ATCAY: variants seen among roughly 807,000 people sequenced by gnomAD.
ATCAY encodes caytaxin.
ATCAY carries 22 observed loss-of-function variants against 47.7 expected under a neutral mutation model. The ratio of observed to expected loss-of-function variants is 0.46; its 90% CI spans 0.33 to 0.66. The LOEUF (loss-of-function observed/expected upper bound fraction) is 0.66. ATCAY is among the 30% of genes least tolerant of loss of function. The pLI is 0.02. For missense variants in ATCAY, 452 were observed against 515.0 expected (o/e 0.88, Z 1.18); for synonymous variants, 216 against 207.6 (o/e 1.04, Z -0.35).
At chr19:3,903,905 G>C (rs1389966608) in intron 3 of ATCAY, among the ~76,000 whole-genome samples, 1 of 150,520 alleles carries the variant, frequency 6.6e-6, no homozygotes. Context: ...TTGGGAGGCC[G>C]AGGCGGGCAG....
chr19:3,912,613 C>T (rs2038933178), intron 8 of ATCAY, among the ~76,000 whole-genome samples: 1 of 151,986 alleles, frequency 6.6e-6, no homozygotes, highest in Non-Finnish European at 1.5e-5. Context: ...GGTGTGGTGA[C>T]CCAGGCTTGT....
At chr19:3,894,760 G>T (rs1003203440) in intron 2 of ATCAY, among the ~76,000 whole-genome samples, 1 of 151,474 alleles carries the variant, frequency 6.6e-6, no homozygotes, top group African/African-American at 2.4e-5. Flanking sequence ...ACCAGCCTAG[G>T]CACCACAGTA....
At chr19:3,897,384 T>C (rs2038779289) in intron 2 of ATCAY, among the ~76,000 whole-genome samples, 2 of 151,474 alleles carry the variant, frequency 1.3e-5, no homozygotes, top group Admixed American at 1.3e-4. Context: ...ACTGCAGCCT[T>C]GACCTCCTGG....
At chr19:3,909,192 G>A (rs573390382) in intron 6 of ATCAY, among the ~76,000 whole-genome samples, 54 of 135,346 alleles carry the variant, frequency 4.0e-4, no homozygotes, top group African/African-American at 1.2e-3. Flanking sequence ...AGCCGAGATC[G>A]CACCACTGCA....
chr19:3,882,404 A>C (rs1461530282), intron 1 of ATCAY, among the ~76,000 whole-genome samples: 1 of 151,464 alleles, frequency 6.6e-6, no homozygotes, highest in East Asian at 1.9e-4. Context: ...TGCAGTCTCG[A>C]CCTCCTGGTC....
chr19:3,908,575 C>A (rs1053270804), intron 6 of ATCAY, among the ~76,000 whole-genome samples: 1 of 151,652 alleles, frequency 6.6e-6, no homozygotes, highest in African/African-American at 2.4e-5. Context: ...CTGTTCTCCT[C>A]CCCGTCCTCC....
rs755532200 is a variant in ATCAY, at chr19:3,909,531, G to A, written c.693G>A (p.Met231Ile). ...SLELLVAEDY[M>I]IVYLNGATPR... Reference sequence around the variant, plus strand: ...AGCTCCTGGTGGCTGAGGACTACATGATCGTGTACCTGAACGGTGCCACGC... The same window carrying A: ...AGCTCCTGGTGGCTGAGGACTACATAATCGTGTACCTGAACGGTGCCACGC... The change falls in exon 7 of 13, where the codon ATG (methionine) becomes ATA (isoleucine). Residue 231 changes from methionine (M) to isoleucine (I), a missense_variant. Coordinates refer to ENST00000450849, the MANE Select transcript of ATCAY (RefSeq NM_033064.5). The A allele has an allele frequency of 6.2e-7, 1 of 1,613,890 alleles. No individual in the cohort carries two copies.
At chr19:3,924,011 G>T (rs2039043778) in intron 12 of ATCAY, among the ~76,000 whole-genome samples, 1 of 149,210 alleles carries the variant, frequency 6.7e-6, no homozygotes, top group Non-Finnish European at 1.5e-5. Flanking sequence ...TGGACAGATG[G>T]ATGAGTGGGT....
chr19:3,909,458 G>T (rs760608619), intron 6 of ATCAY, 28 bp from the exon 7 acceptor site: 1 of 1,608,592 alleles, frequency 6.2e-7, no homozygotes, highest in South Asian at 1.1e-5. Flanking sequence ...TCCATGTTGG[G>T]TCCCTGCCTT....
chr19:3,915,141 TC>T (rs1432191891), intron 9 of ATCAY, among the ~76,000 whole-genome samples: 1 of 152,120 alleles, frequency 6.6e-6, no homozygotes, highest in Non-Finnish European at 1.5e-5. Context: ...ACATAGAACT[TC>T]CCATCTTAGC....
At chr19:3,881,864 C>CCG (rs1396481755) in intron 1 of ATCAY, among the ~76,000 whole-genome samples, 1 of 124,600 alleles carries the variant, frequency 8.0e-6, no homozygotes, top group African/African-American at 3.9e-5. Context: ...GCTGCTGCCA[C>CCG]CGCCCCCCCC....
At chr19:3,889,667 G>A (rs1319723665) in intron 2 of ATCAY, among the ~76,000 whole-genome samples, 1 of 152,074 alleles carries the variant, frequency 6.6e-6, no homozygotes, top group Non-Finnish European at 1.5e-5. Context: ...CATAAGCTTT[G>A]GAATCGGACG....
intron 2 of ATCAY, among the ~76,000 whole-genome samples, chr19:3,898,583 G>T (rs2038788695): frequency 6.6e-6 from 1 of 152,222 alleles, no homozygotes; most frequent in South Asian, 2.1e-4. Flanking sequence ...GCTGTGGTCT[G>T]TGTCAGAGCC....
At chr19:3,890,691 A>T (rs2038710350) in intron 2 of ATCAY, among the ~76,000 whole-genome samples, 1 of 152,096 alleles carries the variant, frequency 6.6e-6, no homozygotes, top group Non-Finnish European at 1.5e-5. Context: ...GAGCGGGAGG[A>T]GGGTGTGTTT....
intron 2 of ATCAY, among the ~76,000 whole-genome samples, chr19:3,902,061 C>T (rs1252343077): frequency 2.0e-5 from 3 of 151,826 alleles, no homozygotes; most frequent in East Asian, 1.9e-4. Flanking sequence ...GCCCGTAATC[C>T]CAACACTTTG....
chr19:3,892,204 A>AT (rs2038724349), intron 2 of ATCAY, among the ~76,000 whole-genome samples: 1 of 143,984 alleles, frequency 6.9e-6, no homozygotes, highest in Non-Finnish European at 1.5e-5. Context: ...GTAACTTTTT[A>AT]ATTTTTTTTT....
intron 12 of ATCAY, chr19:3,922,331 G>A (rs939793333): frequency 1.6e-6 from 1 of 636,686 alleles, no homozygotes; most frequent in Non-Finnish European, 2.8e-6. Context: ...GGCTGGGGAG[G>A]CCCCGGGAAA....
chr19:3,897,682 T>C lies in ATCAY; in HGVS notation c.78-4805T>C, dbSNP rs192458897. Among the ~76,000 whole-genome samples, 305 of 152,022 alleles carry C rather than the reference T, an allele frequency of 2.0e-3. 1 individual carries two copies. The highest frequency in any genetic ancestry group is 3.4e-3 in the Non-Finnish European group (231 of 67,962). On this transcript the variant is annotated intron_variant, in intron 2 of 12. Coordinates refer to ENST00000450849, the MANE Select transcript of ATCAY (RefSeq NM_033064.5). ...CAGCACTTTGGGAGGCCGAGGCAGG[T>C]GGATCTCCTGAGCTCAGGAGTTCGA...
chr19:3,899,200 T>C (rs1221506019), intron 2 of ATCAY, among the ~76,000 whole-genome samples: 1 of 147,708 alleles, frequency 6.8e-6, no homozygotes, highest in Non-Finnish European at 1.5e-5. Context: ...ATTTGATGAA[T>C]AGAGAAAAGA....
Sources: gnomAD v4.1 joint callset for allele counts (sites outside exome capture counted in the v4.1 genomes callset) on GRCh38, gnomAD v4.1.1 for gene constraint, MANE v1.5 for transcripts, NCBI Gene and HGNC (gene_info 2026-07-23, HGNC 2026-07-21) for gene names.